ANKRD44: variants seen among roughly 807,000 people sequenced by gnomAD.
ANKRD44 encodes the protein ankyrin repeat domain 44.
ANKRD44 carries 35 observed loss-of-function variants against 116.0 expected under a neutral mutation model. The observed-to-expected ratio is 0.30, with a 90% CI of 0.23 to 0.40. ANKRD44 has a LOEUF of 0.40. ANKRD44 is among the 10% of genes least tolerant of loss of function. The pLI, the probability that ANKRD44 is intolerant of heterozygous loss-of-function variation, is 1.00. For missense variants in ANKRD44, 1,014 were observed against 1,242.6 expected, an observed-to-expected ratio of 0.82 and a Z score of 2.77; for synonymous variants, 435 against 461.8, an observed-to-expected ratio of 0.94 and a Z score of 0.74.
intron 17 of ANKRD44, among the ~76,000 whole-genome samples, chr2:197,017,068 A>C (rs2076406173): frequency 1.3e-5 from 2 of 152,230 alleles, no homozygotes; most frequent in South Asian, 2.1e-4. Flanking sequence ...GCAATGATTA[A>C]AGTTTGGTCA....
Position 197,310,726 on chromosome 2 carries a change from G to GC in ANKRD44, c.-123dup. 9.5e-7 allele frequency: 1 copy of GC among 1,051,256 alleles called. No individual in the cohort carries two copies. Among genetic ancestry groups the GC allele is most frequent in the South Asian group, 1.8e-5 (1 of 55,572 alleles). The allele number at this position is 1,051,256 out of a possible 1,614,324, so 65.1% of individuals were successfully genotyped here. ...AAAAATCTGGCTCCCGAATTTGACA[G>GC]CCCTCCCCCTGCTCCTCCTCCGCCG... is the stretch of plus-strand genomic sequence containing the variant. On this transcript the variant is annotated 5_prime_UTR_variant, in exon 1 of 28. Coordinates refer to ENST00000282272, the MANE Select transcript of ANKRD44 (RefSeq NM_001195144.2).
At chr2:196,978,142 G>T (rs999824034) in intron 21 of ANKRD44, among the ~76,000 whole-genome samples, 5 of 152,190 alleles carry the variant, frequency 3.3e-5, no homozygotes, top group Non-Finnish European at 5.9e-5. Flanking sequence ...GGCCTGGTGG[G>T]AGGTGTTTGG....
At chr2:197,205,619 T>C (rs1347906565) in intron 1 of ANKRD44, among the ~76,000 whole-genome samples, 2 of 152,186 alleles carry the variant, frequency 1.3e-5, no homozygotes, top group African/African-American at 4.8e-5. Context: ...TCAACAATCA[T>C]TTCTCCAAGT....
chr2:197,238,451 C>A (rs2082020475), intron 1 of ANKRD44, among the ~76,000 whole-genome samples: 1 of 152,152 alleles, frequency 6.6e-6, no homozygotes, highest in Admixed American at 6.5e-5. Flanking sequence ...TGATTGTTCT[C>A]AGGTGAATCT....
intron 16 of ANKRD44, among the ~76,000 whole-genome samples, chr2:197,077,240 C>T (rs1401529658): frequency 1.3e-5 from 2 of 152,164 alleles, no homozygotes; most frequent in Admixed American, 1.3e-4. Flanking sequence ...TTTTGATTTG[C>T]ATTTCTCTAA....
At chr2:196,999,322 C>A (rs1230010987) in intron 23 of ANKRD44, among the ~76,000 whole-genome samples, 1 of 151,986 alleles carries the variant, frequency 6.6e-6, no homozygotes, top group Non-Finnish European at 1.5e-5. Flanking sequence ...ATCTTAAGTT[C>A]CAGTGAGTCT....
rs1360290393 is a variant in ANKRD44 at position 196,987,103 on chromosome 2, G to A, written c.*2488C>T. On this transcript the variant is annotated 3_prime_UTR_variant, in exon 28 of 28. Coordinates refer to ENST00000282272, the MANE Select transcript of ANKRD44 (RefSeq NM_001195144.2). ...TGAATTTTTAGATCACATAAGAAAC[G>A]CATAGAATTACATTTTATACAAACA... 1.7e-5 allele frequency: 17 copies of A among 984,244 alleles called. No individual in the cohort carries two copies. The highest frequency in any genetic ancestry group is 6.2e-5 in the Admixed American group (1 of 16,252). The allele number at this position is 984,244 out of a possible 1,614,324, so 61.0% of individuals were successfully genotyped here.
In ANKRD44 at chr2:197,021,614, G is replaced by T. The variant is rs1043498598; in HGVS notation, c.1722+3582C>A. On this transcript the variant is annotated intron_variant, in intron 17 of 27. Coordinates refer to ENST00000282272, the MANE Select transcript of ANKRD44 (RefSeq NM_001195144.2). The stretch of plus-strand genomic sequence containing the variant: ...AAATGTCTTCTTTTGAAAAGTGTCT[G>T]TTCATATCCTTTGCCCACTTTTAGA... 7.2e-5 allele frequency among the ~76,000 whole-genome samples: 11 copies of T among 152,268 alleles called. No homozygotes were observed. In the South Asian group the frequency reaches 2.3e-3, roughly 32 times the overall value.
intron 1 of ANKRD44, among the ~76,000 whole-genome samples, chr2:197,218,537 G>A (rs540817469): frequency 6.6e-6 from 1 of 152,166 alleles, no homozygotes; most frequent in Non-Finnish European, 1.5e-5. Context: ...AACTACAGTT[G>A]AAGGGCCACT....
At chr2:197,040,322 T>C (rs1287448069) in intron 16 of ANKRD44, among the ~76,000 whole-genome samples, 1 of 151,748 alleles carries the variant, frequency 6.6e-6, no homozygotes, top group Non-Finnish European at 1.5e-5. Flanking sequence ...TAAGGGCAAT[T>C]TCTCTGTGAA....
chr2:196,973,156 C>G (rs1055948091), intron 21 of ANKRD44, among the ~76,000 whole-genome samples: 4 of 151,982 alleles, frequency 2.6e-5, no homozygotes, highest in Non-Finnish European at 5.9e-5. Context: ...AAATAGTATG[C>G]CATTATCTTT....
chr2:197,126,616 T>C (rs1475589529), intron 4 of ANKRD44, among the ~76,000 whole-genome samples: 1 of 152,096 alleles, frequency 6.6e-6, no homozygotes, highest in Non-Finnish European at 1.5e-5. Context: ...TTTTTTCTTC[T>C]ATTGGCCCAG....
At chr2:197,045,708 C>A (rs6434900) in intron 16 of ANKRD44, among the ~76,000 whole-genome samples, 85,024 of 152,010 alleles carry the variant, frequency 0.56, 26,553 homozygotes, top group South Asian at 0.72. Context: ...CTTTTAAGTG[C>A]TGACAAATGT....
intron 1 of ANKRD44, among the ~76,000 whole-genome samples, chr2:197,248,570 G>GTATATATATATATATATA (rs2082244442): frequency 8.8e-6 from 1 of 113,404 alleles, no homozygotes; most frequent in African/African-American, 3.0e-5. Flanking sequence ...GTGTGTGTGT[G>GTATATATATATATATATA]TGTGTGTGTA....
intron 17 of ANKRD44, among the ~76,000 whole-genome samples, chr2:197,020,818 C>CATA (rs1282364097): frequency 0.036 from 5,412 of 150,418 alleles, 336 homozygotes; most frequent in African/African-American, 0.13. Flanking sequence ...TATTATTATA[C>CATA]TTTAAGTTCT....
chr2:197,163,431 T>C (rs2125507020), intron 2 of ANKRD44, among the ~76,000 whole-genome samples: 1 of 152,314 alleles, frequency 6.6e-6, no homozygotes, highest in African/African-American at 2.4e-5. Context: ...GCTTGTTGAA[T>C]AGGAAACCAG....
intron 1 of ANKRD44, among the ~76,000 whole-genome samples, chr2:197,258,270 C>CTTTCTTTTTTTTTTTTT: frequency 1.3e-5 from 1 of 79,222 alleles, no homozygotes; most frequent in Non-Finnish European, 2.2e-5. Flanking sequence ...TTGGCTAATC[C>CTTTCTTTTTTTTTTTTT]TTTTTTTTTT....
At chr2:197,289,339 C>T (rs1574454156) in intron 1 of ANKRD44, among the ~76,000 whole-genome samples, 1 of 152,096 alleles carries the variant, frequency 6.6e-6, no homozygotes, top group Non-Finnish European at 1.5e-5. Context: ...AATGGTACGA[C>T]CACTTTGAAA....
At chr2:197,292,608 T>C (rs1273968939) in intron 1 of ANKRD44, among the ~76,000 whole-genome samples, 1 of 152,216 alleles carries the variant, frequency 6.6e-6, no homozygotes, top group Non-Finnish European at 1.5e-5. Context: ...AAACTTTAGA[T>C]GTCAACCCCC....
Sources: allele counts gnomAD v4.1 joint callset (sites outside exome capture counted in the v4.1 genomes callset), GRCh38; gene constraint gnomAD v4.1.1; transcripts MANE v1.5; gene names NCBI Gene and HGNC (gene_info 2026-07-23, HGNC 2026-07-21).